The following IQCJ variants were observed in gnomAD, a reference collection of about 807,000 sequenced individuals.
The protein encoded by IQCJ is IQ domain-containing protein J.
Under a neutral mutation model 11.0 loss-of-function variants are expected in IQCJ, and 9 were observed. The ratio of observed to expected loss-of-function variants is 0.82; its 90% CI spans 0.49 to 1.43. The LOEUF is 1.43. Among genes scored for constraint, IQCJ ranks in the 40% most tolerant of loss-of-function variants. The pLI, the probability that IQCJ is intolerant of heterozygous loss-of-function variation, is 0.00. For missense variants in IQCJ, 146 were observed against 133.2 expected, an observed-to-expected ratio of 1.10 and a Z score of -0.47; for synonymous variants, 55 against 51.3, an observed-to-expected ratio of 1.07 and a Z score of -0.31.
intron 1 of IQCJ, among the ~76,000 whole-genome samples, chr3:159,094,699 A>G (rs1271992718): frequency 6.6e-6 from 1 of 151,732 alleles, no homozygotes; most frequent in Non-Finnish European, 1.5e-5. Context: ...GAAAAATGAG[A>G]TTAGAATTGG....
Position 159,091,658 on chromosome 3 carries a change from A to ACACACG in IQCJ, c.9+22222_9+22223insGCACAC, listed in dbSNP as rs1442869682. On this transcript the variant is annotated intron_variant, in intron 1 of 3. Transcript: ENST00000397832. ...CCTAAAGGGGTATTTACACACACAC[A>ACACACG]CACACACACACGCATGCACACACAC... Among the ~76,000 whole-genome samples the ACACACG allele has an allele frequency of 1.1e-3, 64 of 57,074 alleles. 2 individuals carry two copies. The highest frequency in any genetic ancestry group is 3.4e-3 in the African/African-American group (63 of 18,554). 37.4% of individuals were successfully genotyped at this position (57,074 alleles called of 152,430 possible). A position where few individuals can be genotyped will look rare whatever the true frequency, so the allele number is the denominator to read the frequency against.
intron 1 of IQCJ, among the ~76,000 whole-genome samples, chr3:159,105,484 T>C (rs1253839265): frequency 1.3e-5 from 2 of 152,140 alleles, no homozygotes; most frequent in Admixed American, 6.5e-5. Context: ...CAGCAAAATC[T>C]CTGTCTCAGT....
intron 1 of IQCJ, among the ~76,000 whole-genome samples, chr3:159,209,101 C>G (rs1724810252): frequency 6.6e-6 from 1 of 152,164 alleles, no homozygotes; most frequent in Non-Finnish European, 1.5e-5. Context: ...TTTCCCAAGA[C>G]CACCCTGATC....
At chr3:159,183,123 G>C (rs1005639355) in intron 1 of IQCJ, among the ~76,000 whole-genome samples, 5 of 152,070 alleles carry the variant, frequency 3.3e-5, no homozygotes, top group Non-Finnish European at 7.4e-5. Flanking sequence ...TTTGGCACAG[G>C]ATAGCCATCA....
At chr3:159,178,416 T>A (rs544013266) in intron 1 of IQCJ, among the ~76,000 whole-genome samples, 1 of 152,200 alleles carries the variant, frequency 6.6e-6, no homozygotes, top group Non-Finnish European at 1.5e-5. Context: ...ACTGAAGGCA[T>A]TGCAGTCCTT....
At chr3:159,133,147 T>A (rs1000755707) in intron 1 of IQCJ, among the ~76,000 whole-genome samples, 1 of 152,224 alleles carries the variant, frequency 6.6e-6, no homozygotes, top group Non-Finnish European at 1.5e-5. Context: ...GGGCCCTTTA[T>A]TCACCAGGTA....
intron 1 of IQCJ, among the ~76,000 whole-genome samples, chr3:159,194,753 C>T (rs1169827005): frequency 5.3e-5 from 8 of 152,156 alleles, no homozygotes; most frequent in Admixed American, 5.2e-4. Flanking sequence ...GTGAACCATG[C>T]AAGCTTCCTA....
At chr3:159,105,884 T>A (rs1056921217) in intron 1 of IQCJ, among the ~76,000 whole-genome samples, 1 of 152,202 alleles carries the variant, frequency 6.6e-6, no homozygotes, top group Non-Finnish European at 1.5e-5. Flanking sequence ...GGAAGCCATC[T>A]GAAGGTTTTT....
At chr3:159,224,323 A>G (rs1375426660) in intron 1 of IQCJ, among the ~76,000 whole-genome samples, 1 of 152,194 alleles carries the variant, frequency 6.6e-6, no homozygotes, top group African/African-American at 2.4e-5. Context: ...AAACTATCAA[A>G]TTTGTTTGCA....
intron 1 of IQCJ, among the ~76,000 whole-genome samples, chr3:159,078,176 T>A (rs1716068915): frequency 1.3e-5 from 2 of 152,148 alleles, no homozygotes; most frequent in South Asian, 4.1e-4. Flanking sequence ...CAATGACTTT[T>A]CCTCAGGACT....
intron 1 of IQCJ, among the ~76,000 whole-genome samples, chr3:159,218,454 G>A (rs1259143351): frequency 6.6e-6 from 1 of 151,944 alleles, no homozygotes; most frequent in Non-Finnish European, 1.5e-5. Context: ...GTTTGGGATG[G>A]GTCTAGAGGT....
At chr3:159,085,631 C>G (rs1386950458) in intron 1 of IQCJ, among the ~76,000 whole-genome samples, 12 of 146,900 alleles carry the variant, frequency 8.2e-5, no homozygotes, top group African/African-American at 3.0e-4. Flanking sequence ...GAGATGGTAT[C>G]TCAATGTGGT....
intron 1 of IQCJ, among the ~76,000 whole-genome samples, chr3:159,148,766 A>T (rs1004820307): frequency 6.6e-6 from 1 of 152,214 alleles, no homozygotes; most frequent in African/African-American, 2.4e-5. Context: ...GCCAAATGTG[A>T]TTGTAAAAGA....
intron 1 of IQCJ, among the ~76,000 whole-genome samples, chr3:159,169,139 T>C (rs929506408): frequency 2.0e-5 from 3 of 152,136 alleles, no homozygotes; most frequent in African/African-American, 4.8e-5. Flanking sequence ...TTCTTATAAC[T>C]GAAGAAACCA....
chr3:159,142,433 A>G (rs78727275), intron 1 of IQCJ, among the ~76,000 whole-genome samples: 346 of 104,704 alleles, frequency 3.3e-3, no homozygotes, highest in African/African-American at 7.4e-3. Flanking sequence ...TCCCCCCCCC[A>G]CCAGATGGAG....
intron 1 of IQCJ, among the ~76,000 whole-genome samples, chr3:159,124,385 C>G (rs914145133): frequency 6.6e-6 from 1 of 152,072 alleles, no homozygotes; most frequent in Non-Finnish European, 1.5e-5. Flanking sequence ...GAGTAAATAC[C>G]AAAAATGTGG....
chr3:159,133,597 A>C (rs1398965281), intron 1 of IQCJ, among the ~76,000 whole-genome samples: 1 of 152,176 alleles, frequency 6.6e-6, no homozygotes, highest in Non-Finnish European at 1.5e-5. Flanking sequence ...CAAGAACAAA[A>C]TACATGGGAT....
At chr3:159,093,072 C>G (rs763655658) in intron 1 of IQCJ, among the ~76,000 whole-genome samples, 58 of 151,798 alleles carry the variant, frequency 3.8e-4, no homozygotes, top group Middle Eastern at 3.4e-3. Context: ...TTTTTATCTG[C>G]TTTTTGATTC....
chr3:159,092,676 C>T (rs534538153), intron 1 of IQCJ, among the ~76,000 whole-genome samples: 116 of 128,808 alleles, frequency 9.0e-4, no homozygotes, highest in Non-Finnish European at 1.5e-3. Flanking sequence ...CCAGCCTGGG[C>T]GACAGAGTGA....
Sources: gnomAD v4.1 joint callset for allele counts (sites outside exome capture counted in the v4.1 genomes callset) on GRCh38, gnomAD v4.1.1 for gene constraint, MANE v1.5 for transcripts, NCBI Gene and HGNC (gene_info 2026-07-23, HGNC 2026-07-21) for gene names.